The following FN1 variants were observed in gnomAD, a reference collection of about 807,000 sequenced individuals.
FN1 encodes the protein fibronectin.
FN1 carries 106 observed loss-of-function variants against 297.3 expected under a neutral mutation model. That is an observed-to-expected ratio of 0.36 (90% CI 0.30 to 0.42). FN1 has a LOEUF of 0.42. FN1 is among the 10% of genes least tolerant of loss of function. FN1 has a pLI of 1.00. For missense variants in FN1, 2,690 were observed against 3,124.9 expected (o/e 0.86, Z 3.32); for synonymous variants, 1,149 against 1,152.6 (o/e 1.00, Z 0.06).
chr2:215,407,972 A>G (rs1322223515), intron 17 of FN1, 136 bp downstream of exon 17: 2 of 672,876 alleles, frequency 3.0e-6, no homozygotes, highest in Non-Finnish European at 5.3e-6. Flanking sequence ...ACACACACAC[A>G]CACACACAAA....
rs920403108 is a variant in FN1 at position 215,379,288 on chromosome 2, T to G, written c.5464A>C (p.Thr1822Pro). 2 of 1,613,896 alleles carry G rather than the reference T, an allele frequency of 1.2e-6. No homozygotes were observed. Among genetic ancestry groups the G allele is most frequent in the African/African-American group, 2.7e-5 (2 of 74,888 alleles). ...AIPAPTDLKF[T>P]QVTPTSLSAQ... ...CTCAGGCTTGTGGGTGTGACCTGAG[T>G]GAACTTCAGGTCAGTTGGTGCAGGA... Residue 1822 changes from threonine to proline, a missense_variant, in exon 34 of 46, where the codon ACT (threonine) becomes CCT (proline). Transcript: ENST00000354785.
chr2:215,375,370 G>A lies in FN1; in HGVS notation c.6001C>T (p.Arg2001Cys), dbSNP rs538117654. 9.3e-6 allele frequency: 15 copies of A among 1,613,656 alleles called. No homozygotes were observed. The South Asian group carries it at 1.4e-4, about 15-fold the overall frequency. ...GAATTGGGTGTGGTGGCCAGGAAAC[G>A]CAGGTTGGATGGTGCATCAATGGCT... ...STAIDAPSNL[R>C]FLATTPNSLL... The change falls in exon 38 of 46, where the codon CGT becomes TGT. Residue 2001 changes from arginine (R) to cysteine (C), a missense_variant. Physicochemically the swap from Arg to Cys is radical, Grantham distance 180 (BLOSUM62 -3). Coordinates refer to ENST00000354785, the MANE Select transcript of FN1 (RefSeq NM_212482.4).
rs1323360700 is a variant in FN1 at position 215,382,207 on chromosome 2, C to T, written c.5164+5G>A. The T allele has an allele frequency of 3.1e-6, 5 of 1,595,422 alleles. No homozygotes were observed. Among genetic ancestry groups the T allele is most frequent in the Admixed American group, 1.7e-5 (1 of 59,994 alleles). Reference sequence around the variant, plus strand: ...GAAAATGGAAACCAAGCAGTGGTTACGTACTGGTTACTGCAGTCTGAACCA... The same window carrying T: ...GAAAATGGAAACCAAGCAGTGGTTATGTACTGGTTACTGCAGTCTGAACCA... On this transcript the variant is annotated splice_donor_5th_base_variant and intron_variant, in intron 32 of 45. Coordinates refer to ENST00000354785, the MANE Select transcript of FN1 (RefSeq NM_212482.4).
chr2:215,435,596 G>A, intron 1 of FN1, 59 bp downstream of exon 1: 2 of 1,607,594 alleles, frequency 1.2e-6, no homozygotes, highest in Non-Finnish European at 1.7e-6. Flanking sequence ...CCCCAACTTT[G>A]GTCGGCTTTA....
intron 2 of FN1, among the ~76,000 whole-genome samples, 169 bp from the exon 3 acceptor site, chr2:215,433,630 G>C (rs2106542754): frequency 6.6e-6 from 1 of 152,190 alleles, no homozygotes; most frequent in East Asian, 1.9e-4. Flanking sequence ...CTCTAATAAG[G>C]CCATGGTTTT....
chr2:215,385,246 GTT>G (rs2058760940), intron 28 of FN1, among the ~76,000 whole-genome samples: 2 of 56,162 alleles, frequency 3.6e-5, no homozygotes, highest in Admixed American at 2.6e-4. Context: ...CTACAGAAAA[GTT>G]AAAAAAAAAA....
At chr2:215,424,497 T>C (rs890695158) in intron 7 of FN1, among the ~76,000 whole-genome samples, 172 bp from the exon 8 acceptor site, 2 of 152,094 alleles carry the variant, frequency 1.3e-5, no homozygotes, top group South Asian at 2.1e-4. Context: ...CAGGAATCCA[T>C]GTCTACTGTG....
intron 20 of FN1, among the ~76,000 whole-genome samples, chr2:215,401,221 A>G (rs1475490433): frequency 5.8e-5 from 3 of 51,792 alleles, no homozygotes; most frequent in African/African-American, 1.5e-4. Flanking sequence ...AAAGAAAGAA[A>G]GAAAGAAAGA....
At chr2:215,377,574 C>A (rs2057528498) in intron 35 of FN1, among the ~76,000 whole-genome samples, 1 of 152,166 alleles carries the variant, frequency 6.6e-6, no homozygotes, top group Admixed American at 6.5e-5. Flanking sequence ...TCCCTAGAAG[C>A]CAAGAAGATA....
In FN1 at chr2:215,362,036, C is replaced by G. The variant is rs147460086; in HGVS notation, c.7295G>C (p.Ser2432Thr). The change falls in exon 45 of 46, where the codon AGT becomes ACT. Residue 2432 changes from serine (S) to threonine (T), a missense_variant. This residue lies in a region of FN1 where 1,743 missense variants were observed against 1,945.2 expected (regional missense o/e 0.90). Transcript: ENST00000354785. ...GGACTGGCCAGTAGTGCCTTCGGGA[C>G]TGGGTTCACCCCCAGGTCTGCGGCA... The part of the protein sequence containing the change: ...DNCRRPGGEP[S>T]PEGTTGQSYN... 3.2e-4 allele frequency: 520 copies of G among 1,613,984 alleles called. 3 individuals carry two copies. Among genetic ancestry groups the G allele is most frequent in the Admixed American group, 5.0e-4 (30 of 60,010 alleles).
chr2:215,370,366 C>T lies in FN1; in HGVS notation c.6781G>A (p.Val2261Ile), dbSNP rs1250209. ...TGLTRGATYN[V>I]IVEALKDQQR... ...TGGTCTTTCAGTGCCTCCACTATGA[C>T]GTTGTAGGTGGCACCTCTGGTGAGG... Residue 2261 changes from valine to isoleucine, a missense_variant, in exon 41 of 46, where the codon GTC becomes ATC. Val to Ile is a conservative substitution (Grantham distance 29). Around this residue, in one of 3 missense-constraint regions of FN1, gnomAD observed 1,743 missense variants for 1,945.2 expected, o/e 0.90. Coordinates refer to ENST00000354785, the MANE Select transcript of FN1 (RefSeq NM_212482.4). 1,613,760 of 1,613,790 alleles carry T rather than the reference C, an allele frequency of 1. 806,865 individuals are homozygous for T. Among genetic ancestry groups the T allele is most frequent in the East Asian group, 1 (44,848 of 44,848 alleles).
intron 9 of FN1, among the ~76,000 whole-genome samples, 160 bp from the exon 10 acceptor site, chr2:215,422,403 G>A (rs1468316611): frequency 6.6e-6 from 1 of 152,208 alleles, no homozygotes; most frequent in Non-Finnish European, 1.5e-5. Context: ...AGGTGAAGGG[G>A]TAGAATTTTT....
At chr2:215,433,039 G>A (rs1192187747) in intron 3 of FN1, among the ~76,000 whole-genome samples, 1 of 152,066 alleles carries the variant, frequency 6.6e-6, no homozygotes, top group Non-Finnish European at 1.5e-5. Context: ...TACTGAAATG[G>A]AACCCAAGAG....
In FN1 at chr2:215,404,789, A is replaced by G. The variant is rs928172773; in HGVS notation, c.2987-134T>C. On this transcript the variant is annotated intron_variant, in intron 19 of 45. Transcript: ENST00000354785. The stretch of plus-strand genomic sequence containing the variant: ...CTATGTGAAAGTCAAAACCCTGGAA[A>G]AACTGAGCCAGTAAGAGATTGAGTG... 3.6e-6 allele frequency: 3 copies of G among 837,198 alleles called. No individual in the cohort carries two copies. In the African/African-American group the frequency reaches 5.1e-5, roughly 14 times the overall value. The allele number at this position is 837,198 out of a possible 1,614,324, so 51.9% of individuals were successfully genotyped here.
At chr2:215,420,632 T>TC in intron 11 of FN1, 41 bp downstream of exon 11, 1 of 1,612,384 alleles carries the variant, frequency 6.2e-7, no homozygotes, top group Non-Finnish European at 8.5e-7. Context: ...TGCTAACCAT[T>TC]CCCCCTGTGC....
chr2:215,433,545 C>T (rs1299357328), intron 2 of FN1, 84 bp from the exon 3 acceptor site: 8 of 1,340,030 alleles, frequency 6.0e-6, no homozygotes, highest in Non-Finnish European at 8.4e-6. Context: ...GGAAAACCCA[C>T]TTCTCTATTC....
chr2:215,423,241 T>C (rs1390417853), intron 9 of FN1, 109 bp downstream of exon 9: 20 of 1,128,030 alleles, frequency 1.8e-5, no homozygotes, highest in Non-Finnish European at 2.5e-5. Flanking sequence ...TTTTCTGTTG[T>C]CTCAAAATTG....
At position 215,400,201 on chromosome 2, in the gene FN1, A is replaced by G. The variant is rs374675771; in HGVS notation, c.3254-850T>C. ...AGACTCCGTCTCAAAAAAAGAAAAA[A>G]AAAAAGCTTTACGCTGAATTATTCC... On this transcript the variant is annotated intron_variant, in intron 20 of 45. Transcript: ENST00000354785. 7.2e-5 allele frequency among the ~76,000 whole-genome samples: 11 copies of G among 152,126 alleles called. No individual in the cohort carries two copies. The East Asian group carries it at 1.9e-3, about 27-fold the overall frequency.
chr2:215,404,659 G>A lies in FN1; in HGVS notation c.2987-4C>T. 1 of 1,612,594 alleles carries A rather than the reference G, an allele frequency of 6.2e-7. No individual in the cohort carries two copies. Among genetic ancestry groups the A allele is most frequent in the Non-Finnish European group, 8.5e-7 (1 of 1,178,714 alleles). On this transcript the variant is annotated splice_region_variant and splice_polypyrimidine_tract_variant and intron_variant, in intron 19 of 45. Coordinates refer to ENST00000354785, the MANE Select transcript of FN1 (RefSeq NM_212482.4). ...AGGTTAGTGGGAGCATCCAGTTCTA[G>A]GAAAAAAGATGAAACATGCCAAGAA...
Sources: gnomAD v4.1 joint callset for allele counts (sites outside exome capture counted in the v4.1 genomes callset) on GRCh38, gnomAD v4.1.1 for gene constraint, gnomAD v4.1.1 regional missense constraint, MANE v1.5 for transcripts, NCBI Gene and HGNC (gene_info 2026-07-23, HGNC 2026-07-21) for gene names.